Variants in IGF2BP2 observed in about 807,000 individuals in gnomAD.
IGF2BP2 encodes the protein insulin-like growth factor 2 mRNA-binding protein 2.
Under a neutral mutation model 75.8 loss-of-function variants are expected in IGF2BP2, and 17 were observed. That is an observed-to-expected ratio of 0.22 (90% CI 0.15 to 0.34). IGF2BP2 has a LOEUF of 0.34. IGF2BP2 is among the 10% of genes least tolerant of loss of function. IGF2BP2 has a pLI of 1.00. For missense variants in IGF2BP2, 516 were observed against 772.4 expected, an observed-to-expected ratio of 0.67 and a Z score of 3.93; for synonymous variants, 288 against 295.6, an observed-to-expected ratio of 0.97 and a Z score of 0.26.
chr3:185,666,050 ATAGATAG>A (rs1382155003), intron 10 of IGF2BP2, among the ~76,000 whole-genome samples: 3 of 151,672 alleles, frequency 2.0e-5, no homozygotes, highest in Non-Finnish European at 2.9e-5. Flanking sequence ...AGATAGATAG[ATAGATAG>A]AGGAACTATG....
At chr3:185,683,165 T>C (rs377301295) in intron 7 of IGF2BP2, among the ~76,000 whole-genome samples, 21 of 152,154 alleles carry the variant, frequency 1.4e-4, no homozygotes, top group Admixed American at 7.9e-4. Flanking sequence ...GAGGACACTA[T>C]GCAAAGTAAA....
chr3:185,711,496 T>C (rs1161980268), intron 2 of IGF2BP2, among the ~76,000 whole-genome samples: 1 of 152,228 alleles, frequency 6.6e-6, no homozygotes, highest in Admixed American at 6.5e-5. Context: ...ACAGCATCTG[T>C]CTCGGTTCCT....
At chr3:185,818,733 G>C (rs1366608557) in intron 2 of IGF2BP2, among the ~76,000 whole-genome samples, 5 of 152,140 alleles carry the variant, frequency 3.3e-5, no homozygotes, top group Admixed American at 3.3e-4. Context: ...CAAATATTTA[G>C]AAAAGCTTGA....
intron 2 of IGF2BP2, among the ~76,000 whole-genome samples, chr3:185,789,727 A>ATTTT (rs10602691): frequency 2.7e-5 from 3 of 111,602 alleles, no homozygotes; most frequent in Admixed American, 1.0e-4. Context: ...ACAACCAGGA[A>ATTTT]TTTTTTTTTT....
intron 2 of IGF2BP2, among the ~76,000 whole-genome samples, chr3:185,709,841 A>C (rs1016235852): frequency 6.6e-6 from 1 of 152,198 alleles, no homozygotes; most frequent in African/African-American, 2.4e-5. Context: ...GGTCAGGTGG[A>C]ATGAACAATC....
intron 2 of IGF2BP2, among the ~76,000 whole-genome samples, chr3:185,792,636 G>A (rs912479960): frequency 4.6e-5 from 7 of 151,592 alleles, no homozygotes; most frequent in East Asian, 3.9e-4. Context: ...GCCTGGTGAC[G>A]GGCAACTGTA....
intron 2 of IGF2BP2, among the ~76,000 whole-genome samples, chr3:185,810,557 T>C (rs1173537868): frequency 6.6e-6 from 1 of 152,128 alleles, no homozygotes; most frequent in Non-Finnish European, 1.5e-5. Flanking sequence ...GCAGATCACC[T>C]GAGGTCAGGA....
At chr3:185,651,507 C>T (rs1480846212) in intron 13 of IGF2BP2, among the ~76,000 whole-genome samples, 1 of 152,196 alleles carries the variant, frequency 6.6e-6, no homozygotes, top group Non-Finnish European at 1.5e-5. Context: ...CACCTGCTGC[C>T]CCTGGCTGAG....
At chr3:185,688,301 C>T (rs955547072) in intron 6 of IGF2BP2, among the ~76,000 whole-genome samples, 1 of 152,162 alleles carries the variant, frequency 6.6e-6, no homozygotes, top group African/African-American at 2.4e-5. Flanking sequence ...CCTGATTGTG[C>T]TAATTGTCAT....
At chr3:185,654,573 G>A (rs974684140) in intron 12 of IGF2BP2, among the ~76,000 whole-genome samples, 1 of 152,202 alleles carries the variant, frequency 6.6e-6, no homozygotes, top group Non-Finnish European at 1.5e-5. Context: ...ACCTCCGAGG[G>A]CTCTACTGCC....
chr3:185,793,343 G>T (rs964055498), intron 2 of IGF2BP2, among the ~76,000 whole-genome samples: 5 of 152,142 alleles, frequency 3.3e-5, no homozygotes, highest in Admixed American at 6.5e-5. Flanking sequence ...CTGCCACACA[G>T]GGATGTTGGG....
intron 7 of IGF2BP2, among the ~76,000 whole-genome samples, chr3:185,680,051 G>A (rs1720143987): frequency 6.6e-6 from 1 of 151,642 alleles, no homozygotes; most frequent in Admixed American, 6.6e-5. Context: ...CAACCAAACT[G>A]ACAAATCCTT....
intron 2 of IGF2BP2, among the ~76,000 whole-genome samples, chr3:185,698,899 C>T (rs1407731955): frequency 2.0e-5 from 3 of 152,230 alleles, no homozygotes; most frequent in African/African-American, 4.8e-5. Flanking sequence ...ACTGCAACCT[C>T]TGCCTCCCAG....
At chr3:185,665,347 G>GAGGAGGAGGAGAAGGAGGAGGAGGAGA (rs1717242489) in intron 10 of IGF2BP2, among the ~76,000 whole-genome samples, 17 of 125,154 alleles carry the variant, frequency 1.4e-4, no homozygotes, top group African/African-American at 4.9e-4. Context: ...GGAGGAGAAG[G>GAGGAGGAGGAGAAGGAGGAGGAGGAGA]AGGAGGAGGA....
At chr3:185,766,408 C>T (rs925567076) in intron 2 of IGF2BP2, among the ~76,000 whole-genome samples, 1 of 151,764 alleles carries the variant, frequency 6.6e-6, no homozygotes, top group Non-Finnish European at 1.5e-5. Flanking sequence ...GTATAGTCTA[C>T]AAGCTAAGAA....
chr3:185,728,910 C>T (rs1197365374), intron 2 of IGF2BP2: 1 of 152,134 alleles, frequency 6.6e-6, no homozygotes, highest in Non-Finnish European at 1.5e-5. Context: ...ATGTTATTTG[C>T]CTTGTTTATC....
intron 2 of IGF2BP2, among the ~76,000 whole-genome samples, chr3:185,726,419 G>C (rs939676504): frequency 1.3e-5 from 2 of 152,210 alleles, no homozygotes; most frequent in Non-Finnish European, 2.9e-5. Context: ...TGTGGGTCTG[G>C]AAGCGGGAAG....
At chr3:185,822,169 T>C (rs747302633) in intron 2 of IGF2BP2, among the ~76,000 whole-genome samples, 3 of 152,202 alleles carry the variant, frequency 2.0e-5, no homozygotes, top group Non-Finnish European at 4.4e-5. Flanking sequence ...ATTAGGGTAG[T>C]TTGTTTTAAA....
intron 5 of IGF2BP2, among the ~76,000 whole-genome samples, chr3:185,690,412 T>TA (rs995445934): frequency 6.6e-6 from 1 of 152,298 alleles, no homozygotes. Flanking sequence ...TTCTAACCTT[T>TA]AAAAAAACAG....
Sources: allele counts gnomAD v4.1 joint callset (sites outside exome capture counted in the v4.1 genomes callset), GRCh38; gene constraint gnomAD v4.1.1; transcripts MANE v1.5; gene names NCBI Gene and HGNC (gene_info 2026-07-23, HGNC 2026-07-21).